The following IMPG1 variants were observed in gnomAD, a reference collection of about 807,000 sequenced individuals.
The protein encoded by IMPG1 is interphotoreceptor matrix proteoglycan of 150 kDa.
IMPG1 carries 85 observed loss-of-function variants against 92.0 expected under a neutral mutation model. The ratio of observed to expected loss-of-function variants is 0.92; its 90% confidence interval spans 0.78 to 1.11. The LOEUF (loss-of-function observed/expected upper bound fraction) is 1.11. Among genes scored for constraint, IMPG1 ranks in the 50% least tolerant of loss-of-function variants. The pLI, the probability that IMPG1 is intolerant of heterozygous loss-of-function variation, is 0.00. For synonymous variants in IMPG1, 367 were observed against 334.1 expected, an observed-to-expected ratio of 1.10 and a Z score of -1.08; for missense variants, 1,022 against 956.0, an observed-to-expected ratio of 1.07 and a Z score of -0.91.
At chr6:75,924,905 G>A (rs899079339) in intron 15 of IMPG1, among the ~76,000 whole-genome samples, 14 of 148,260 alleles carry the variant, frequency 9.4e-5, no homozygotes, top group African/African-American at 3.5e-4. Flanking sequence ...GCTCTCACTC[G>A]TGGAATTTAA....
intron 12 of IMPG1, among the ~76,000 whole-genome samples, chr6:75,979,421 C>T (rs930807862): frequency 5.9e-5 from 9 of 152,168 alleles, no homozygotes; most frequent in African/African-American, 2.2e-4. Flanking sequence ...TGAATTAATG[C>T]CACTTGTTGC....
chr6:75,993,731 T>G (rs531528944), intron 12 of IMPG1, among the ~76,000 whole-genome samples: 2 of 152,234 alleles, frequency 1.3e-5, no homozygotes, highest in South Asian at 4.1e-4. Flanking sequence ...GATAACTGAG[T>G]GATATATTTT....
chr6:76,064,370 C>T (rs72893818), intron 1 of IMPG1, among the ~76,000 whole-genome samples: 86 of 130,482 alleles, frequency 6.6e-4, no homozygotes, highest in East Asian at 1.6e-3. Flanking sequence ...ATTTTTTTTT[C>T]TTTTTTTTTT....
intron 1 of IMPG1, among the ~76,000 whole-genome samples, chr6:76,058,609 G>T (rs1784157269): frequency 6.6e-6 from 1 of 152,188 alleles, no homozygotes. Context: ...AAGCCTTACA[G>T]CTTCTGCTCT....
At chr6:76,063,910 C>G (rs1034873817) in intron 1 of IMPG1, among the ~76,000 whole-genome samples, 1 of 152,108 alleles carries the variant, frequency 6.6e-6, no homozygotes, top group African/African-American at 2.4e-5. Flanking sequence ...AAGAGCTTCC[C>G]GCTTATGGAC....
intron 4 of IMPG1, among the ~76,000 whole-genome samples, chr6:76,032,457 A>G (rs1263351723): frequency 6.6e-6 from 1 of 152,218 alleles, no homozygotes; most frequent in Non-Finnish European, 1.5e-5. Context: ...TCTTTTTAAA[A>G]TCTATAAAAG....
At chr6:76,039,919 A>G (rs1783805882) in intron 2 of IMPG1, among the ~76,000 whole-genome samples, 1 of 152,226 alleles carries the variant, frequency 6.6e-6, no homozygotes, top group South Asian at 2.1e-4. Context: ...AAATAATTCA[A>G]TGTTCCATTT....
intron 7 of IMPG1, among the ~76,000 whole-genome samples, chr6:76,017,641 C>G (rs1364387541): frequency 6.6e-6 from 1 of 152,112 alleles, no homozygotes; most frequent in Non-Finnish European, 1.5e-5. Flanking sequence ...TAAGTATATA[C>G]CAGTGAAACC....
At chr6:75,992,821 C>A (rs950169146) in intron 12 of IMPG1, among the ~76,000 whole-genome samples, 3 of 152,178 alleles carry the variant, frequency 2.0e-5, no homozygotes, top group African/African-American at 7.2e-5. Flanking sequence ...AGGGTCATCT[C>A]CTTTCTCTTC....
At chr6:76,005,010 CT>C (rs772503484) in intron 10 of IMPG1, among the ~76,000 whole-genome samples, 2 of 152,180 alleles carry the variant, frequency 1.3e-5, no homozygotes, top group Non-Finnish European at 2.9e-5. Context: ...TCTGTGGGTT[CT>C]TTTCTCTGCC....
At chr6:76,067,599 T>C (rs1348681641) in intron 1 of IMPG1, among the ~76,000 whole-genome samples, 1 of 152,110 alleles carries the variant, frequency 6.6e-6, no homozygotes, top group Non-Finnish European at 1.5e-5. Flanking sequence ...AGCTGATTTC[T>C]ACCAGACATA....
At chr6:76,001,683 A>G (rs1224258185) in intron 12 of IMPG1, among the ~76,000 whole-genome samples, 1 of 152,192 alleles carries the variant, frequency 6.6e-6, no homozygotes, top group Non-Finnish European at 1.5e-5. Flanking sequence ...TTGGAAATGG[A>G]TCTTCAACAC....
At chr6:76,034,247 T>A in intron 4 of IMPG1, 68 bp downstream of exon 4, 3 of 1,455,786 alleles carry the variant, frequency 2.1e-6, no homozygotes, top group Non-Finnish European at 1.9e-6. Flanking sequence ...ATAGCTTAGT[T>A]TCACTCCATT....
chr6:75,966,401 G>C (rs1344048750), intron 12 of IMPG1, among the ~76,000 whole-genome samples: 1 of 152,150 alleles, frequency 6.6e-6, no homozygotes, highest in East Asian at 1.9e-4. Context: ...TGTCATGAAT[G>C]AATTAATGCC....
intron 4 of IMPG1, among the ~76,000 whole-genome samples, chr6:76,026,217 C>G (rs938620236): frequency 6.6e-6 from 1 of 152,312 alleles, no homozygotes; most frequent in Middle Eastern, 3.4e-3. Flanking sequence ...CCCTTCAAAC[C>G]ATCTGCAAGC....
At chr6:75,927,680 C>A (rs6453849) in intron 15 of IMPG1, among the ~76,000 whole-genome samples, 142,101 of 151,266 alleles carry the variant, frequency 0.94, 67,319 homozygotes, top group East Asian at 1. Flanking sequence ...GTAATAAGGG[C>A]ATTTCTCCCT....
At chr6:75,995,143 A>G (rs1327766523) in intron 12 of IMPG1, among the ~76,000 whole-genome samples, 3 of 152,218 alleles carry the variant, frequency 2.0e-5, no homozygotes, top group African/African-American at 7.2e-5. Context: ...TAATTTTTAA[A>G]TACCAATAAA....
chr6:76,034,823 A>C (rs1783710291), intron 2 of IMPG1, 36 bp from the exon 3 acceptor site: 1 of 1,583,474 alleles, frequency 6.3e-7, no homozygotes, highest in African/African-American at 1.3e-5. Flanking sequence ...ATGCCCTAAG[A>C]GGGTCCCCGT....
chr6:76,034,074 AATTC>A (rs1413132797), intron 4 of IMPG1, among the ~76,000 whole-genome samples: 2 of 152,222 alleles, frequency 1.3e-5, no homozygotes, highest in African/African-American at 4.8e-5. Context: ...CATAGCAATA[AATTC>A]ATTTTATGTG....
Sources: allele counts gnomAD v4.1 joint callset (sites outside exome capture counted in the v4.1 genomes callset), GRCh38; gene constraint gnomAD v4.1.1; transcripts MANE v1.5; gene names NCBI Gene and HGNC (gene_info 2026-07-23, HGNC 2026-07-21).